FBXO10: variants seen among roughly 807,000 people sequenced by gnomAD.
FBXO10 encodes F-box only protein 10.
A neutral mutation model predicts 80.7 loss-of-function variants in FBXO10; 39 were observed. That is an observed-to-expected ratio of 0.48 (90% CI 0.37 to 0.63). The LOEUF (loss-of-function observed/expected upper bound fraction) is 0.63. Among genes scored for constraint, FBXO10 ranks in the 30% least tolerant of loss-of-function variants. The probability of loss-of-function intolerance (pLI) is 0.00; values close to 1 mark genes in which losing one functional copy is unlikely to be tolerated. For synonymous variants in FBXO10, 449 were observed against 489.6 expected, an observed-to-expected ratio of 0.92 and a Z score of 1.09; for missense variants, 1,025 against 1,269.0, an observed-to-expected ratio of 0.81 and a Z score of 2.92.
At chr9:37,554,882 G>A (rs1328934557) in intron 1 of FBXO10, among the ~76,000 whole-genome samples, 2 of 152,126 alleles carry the variant, frequency 1.3e-5, no homozygotes, top group Admixed American at 6.5e-5. Flanking sequence ...GGCTATTATG[G>A]ATAATGCTGC....
intron 1 of FBXO10, among the ~76,000 whole-genome samples, chr9:37,569,352 T>C (rs1287725951): frequency 6.9e-6 from 1 of 145,966 alleles, no homozygotes; most frequent in Non-Finnish European, 1.5e-5. Flanking sequence ...AACAACTTTA[T>C]ATTTGTATAT....
At position 37,523,113 on chromosome 9, in the gene FBXO10, T is replaced by C. The variant is rs1294080478; in HGVS notation, c.1778-136A>G. On this transcript the variant is annotated intron_variant, in intron 6 of 10. Coordinates refer to ENST00000432825, the MANE Select transcript of FBXO10 (RefSeq NM_012166.3). ...CTTACCCTGCCAGCAATTAGCACTG[T>C]AAATCTTGTCTGCTGTCTGATGTTT... 3 of 939,968 alleles carry C rather than the reference T, an allele frequency of 3.2e-6. No individual in the cohort carries two copies. The African/African-American group carries it at 5.0e-5, about 16-fold the overall frequency. 58.2% of individuals were successfully genotyped at this position (939,968 alleles called of 1,614,324 possible).
chr9:37,531,458 A>G (rs1821621535), intron 4 of FBXO10, among the ~76,000 whole-genome samples: 1 of 152,206 alleles, frequency 6.6e-6, no homozygotes, highest in African/African-American at 2.4e-5. Flanking sequence ...ATCAAACTCA[A>G]TATGCCCTCA....
At position 37,518,338 on chromosome 9, in the gene FBXO10, T is replaced by C. The variant is rs1315447177; in HGVS notation, c.2301A>G (p.Gln767=). Residue 767 remains glutamine (Q), a synonymous_variant, in exon 9 of 11, where the codon CAA becomes CAG. Transcript: ENST00000432825. ...TGCTGTTGTTGGCCACTCGGGTGGG[T>C]TGGCTGCTCTGGGCCACAGTAATGC... ...DRGITVAQSS[Q]PTRVANNSIS... The C allele has an allele frequency of 1.9e-6, 3 of 1,613,930 alleles. No individual in the cohort carries two copies. Among genetic ancestry groups the C allele is most frequent in the Non-Finnish European group, 2.5e-6 (3 of 1,179,902 alleles).
chr9:37,553,916 C>CAAAAA (rs71494669), intron 1 of FBXO10, among the ~76,000 whole-genome samples: 232 of 63,476 alleles, frequency 3.7e-3, no homozygotes, highest in Admixed American at 4.0e-3. Flanking sequence ...AAGTCTGCCT[C>CAAAAA]AAAAAAAAAA....
At chr9:37,528,289 A>G (rs1821523590) in intron 5 of FBXO10, among the ~76,000 whole-genome samples, 1 of 152,098 alleles carries the variant, frequency 6.6e-6, no homozygotes, top group Non-Finnish European at 1.5e-5. Flanking sequence ...TGCCGCAAGG[A>G]CGTCAAGGGT....
chr9:37,531,995 C>T lies in FBXO10; in HGVS notation c.1483G>A (p.Gly495Ser), dbSNP rs766429246. ...RASGIFLRLE[G>S]GGLIAGNNIY... Reference sequence around the variant, plus strand: ...TTGTTGCCGGCAATCAAGCCACCGCCCTCCAAGCGAAGAAAGATGCCTGAC... The same window carrying T: ...TTGTTGCCGGCAATCAAGCCACCGCTCTCCAAGCGAAGAAAGATGCCTGAC... Residue 495 changes from glycine to serine, a missense_variant, in exon 4 of 11, where the codon GGC (glycine) becomes AGC (serine). This residue lies in a region of FBXO10 where 478 missense variants were observed against 667.8 expected (regional missense o/e 0.72). Transcript: ENST00000432825. 1.2e-6 allele frequency: 2 copies of T among 1,613,988 alleles called. No homozygotes were observed. The highest frequency in any genetic ancestry group is 1.3e-5 in the African/African-American group (1 of 75,050).
Position 37,541,274 on chromosome 9 carries a change from G to A in FBXO10, c.495C>T (p.Ala165=). 11 of 1,613,918 alleles carry A rather than the reference G, an allele frequency of 6.8e-6. No individual in the cohort carries two copies. Among genetic ancestry groups the A allele is most frequent in the Non-Finnish European group, 9.3e-6 (11 of 1,179,872 alleles). The change falls in exon 2 of 11, where the codon GCC becomes GCT. Residue 165 remains alanine (A), a synonymous_variant. Coordinates refer to ENST00000432825, the MANE Select transcript of FBXO10 (RefSeq NM_012166.3). ...AGTGCTGATCAATGCTGGCCAGCAG[G>A]GCCACTTCACCCAACTTCCCCTGCC... ...IVGQGKLGEV[A]LLASIDQHCS...
At chr9:37,548,127 G>A (rs1253908364) in intron 1 of FBXO10, among the ~76,000 whole-genome samples, 1 of 152,264 alleles carries the variant, frequency 6.6e-6, no homozygotes, top group Non-Finnish European at 1.5e-5. Flanking sequence ...GCTTATGCCT[G>A]TAATCCCAGT....
At chr9:37,553,865 G>A (rs950131540) in intron 1 of FBXO10, among the ~76,000 whole-genome samples, 6 of 135,650 alleles carry the variant, frequency 4.4e-5, no homozygotes, top group African/African-American at 1.7e-4. Flanking sequence ...GCGGTGAGCC[G>A]AGATCATGGC....
At chr9:37,562,883 T>G (rs1407657896) in intron 1 of FBXO10, among the ~76,000 whole-genome samples, 2 of 152,148 alleles carry the variant, frequency 1.3e-5, no homozygotes, top group East Asian at 3.9e-4. Flanking sequence ...CAAAGATATG[T>G]CTACCAAAAA....
At position 37,537,212 on chromosome 9, in the gene FBXO10, G is replaced by T. The variant is rs200249505; in HGVS notation, c.1317C>A (p.Asp439Glu). ...GCLIRKCLFR[D>E]GKGGVFVCSH... ...AGCAGACGAAGACGCCTCCCTTCCC[G>T]TCCCGGAAGAGGCACTTGCGGATGA... The change falls in exon 3 of 11, where the codon GAC (aspartate) becomes GAA (glutamate). Residue 439 changes from aspartate (D) to glutamate (E), a missense_variant. This residue lies in a region of FBXO10 where 478 missense variants were observed against 667.8 expected (regional missense o/e 0.72). Coordinates refer to ENST00000432825, the MANE Select transcript of FBXO10 (RefSeq NM_012166.3). 1 of 1,613,810 alleles carries T rather than the reference G, an allele frequency of 6.2e-7. No homozygotes were observed. Among genetic ancestry groups the T allele is most frequent in the Non-Finnish European group, 8.5e-7 (1 of 1,179,900 alleles).
intron 1 of FBXO10, among the ~76,000 whole-genome samples, chr9:37,558,842 C>G (rs528609974): frequency 6.7e-6 from 1 of 149,886 alleles, no homozygotes; most frequent in South Asian, 2.1e-4. Context: ...TGGAGTTTCG[C>G]TCTTGTTGCC....
intron 1 of FBXO10, among the ~76,000 whole-genome samples, chr9:37,559,837 G>C (rs746143611): frequency 6.6e-6 from 1 of 152,200 alleles, no homozygotes; most frequent in African/African-American, 2.4e-5. Context: ...CAGAGATCCC[G>C]ACCAAGCCAA....
intron 1 of FBXO10, among the ~76,000 whole-genome samples, chr9:37,574,939 G>A (rs1318987552): frequency 2.0e-5 from 3 of 152,168 alleles, no homozygotes; most frequent in Non-Finnish European, 4.4e-5. Context: ...AATGAGATTA[G>A]AACTGAGGGA....
chr9:37,521,699 C>G lies in FBXO10; in HGVS notation c.2070G>C (p.Arg690Ser). 6.2e-7 allele frequency: 1 copy of G among 1,613,942 alleles called. No individual in the cohort carries two copies. ...CATCCTCGCTGAAGTTCTCTTGAGC[C>G]CTGTGGCCTCGAGGTAACTCGCTGG... ...DGSSELPRGH[R>S]AQENFSEDGD... Residue 690 changes from arginine to serine, a missense_variant, in exon 8 of 11, where the codon AGG becomes AGC. Around this residue, in one of 3 missense-constraint regions of FBXO10, gnomAD observed 478 missense variants for 667.8 expected, o/e 0.72. Transcript: ENST00000432825.
At chr9:37,541,121 A>C in intron 2 of FBXO10, 63 bp downstream of exon 2, 1 of 1,428,714 alleles carries the variant, frequency 7.0e-7, no homozygotes, top group Non-Finnish European at 9.5e-7. Flanking sequence ...TTAAAAGCCC[A>C]GAAAAGAGGG....
At chr9:37,544,166 G>A (rs1821993973) in intron 1 of FBXO10, among the ~76,000 whole-genome samples, 1 of 152,214 alleles carries the variant, frequency 6.6e-6, no homozygotes, top group Non-Finnish European at 1.5e-5. Context: ...CAACTCAGGA[G>A]GCTGAGACAG....
intron 1 of FBXO10, among the ~76,000 whole-genome samples, chr9:37,550,169 G>GTTTTTTGTTTTTT (rs1822155708): frequency 1.5e-5 from 1 of 68,032 alleles, no homozygotes; most frequent in Non-Finnish European, 2.9e-5. Flanking sequence ...GTCGTCTCAG[G>GTTTTTTGTTTTTT]TTTTTTTTTT....
Sources: allele counts gnomAD v4.1 joint callset (sites outside exome capture counted in the v4.1 genomes callset), GRCh38; gene constraint gnomAD v4.1.1; regional missense constraint gnomAD v4.1.1; transcripts MANE v1.5; gene names NCBI Gene and HGNC (gene_info 2026-07-23, HGNC 2026-07-21).